The following ATP8B4 variants were observed in gnomAD, a reference collection of about 807,000 sequenced individuals.
ATP8B4 encodes the protein ATPase phospholipid transporting 8B4 (putative), also known as probable phospholipid-transporting ATPase IM.
A neutral mutation model predicts 145.6 loss-of-function variants in ATP8B4; 133 were observed. The observed-to-expected ratio is 0.91, with a 90% CI of 0.79 to 1.05. ATP8B4 has a LOEUF of 1.05. Ranked by LOEUF, ATP8B4 falls within the 50% of genes least tolerant of loss-of-function variation. The probability of loss-of-function intolerance (pLI) is 0.00; values close to 1 mark genes in which losing one functional copy is unlikely to be tolerated. For missense variants in ATP8B4, 1,458 were observed against 1,425.2 expected (o/e 1.02, Z -0.37); for synonymous variants, 507 against 492.9 (o/e 1.03, Z -0.38).
intron 6 of ATP8B4, among the ~76,000 whole-genome samples, chr15:50,024,718 G>A (rs1260126159): frequency 4.6e-5 from 7 of 152,202 alleles, no homozygotes; most frequent in African/African-American, 1.7e-4. Flanking sequence ...CAACCTGGGG[G>A]CAGCTGCGAA....
In ATP8B4 at chr15:49,918,966, G is replaced by C. The variant is rs527733654; in HGVS notation, c.1924-16C>G. 6.3e-7 allele frequency: 1 copy of C among 1,575,228 alleles called. No individual in the cohort carries two copies. Among genetic ancestry groups the C allele is most frequent in the East Asian group, 2.2e-5 (1 of 44,606 alleles). On this transcript the variant is annotated splice_polypyrimidine_tract_variant and intron_variant, in intron 18 of 27. Transcript: ENST00000284509. ...CACCTAGTAGCTTTATTGAAAAAGA[G>C]AGAAAAGTTTATGTTAATGCATGCA...
In ATP8B4 at chr15:50,179,509, T is replaced by C. The variant is rs77995597; in HGVS notation, c.-43+2752A>G. Among the ~76,000 whole-genome samples the C allele has an allele frequency of 1.2e-4, 19 of 152,292 alleles. No individual in the cohort carries two copies. The East Asian group carries it at 3.5e-3, about 28-fold the overall frequency. ...TAAAGATAATTGAGCAGTGGAGATA[T>C]AAGATGGCAGCAATATTTCCAGGAA... On this transcript the variant is annotated intron_variant, in intron 1 of 3. Coordinates refer to the ATP8B4 transcript ENST00000558829.
At chr15:50,151,284 T>C (rs887946937) in intron 1 of ATP8B4, among the ~76,000 whole-genome samples, 2 of 152,176 alleles carry the variant, frequency 1.3e-5, no homozygotes, top group African/African-American at 4.8e-5. Context: ...GAAACATAAC[T>C]TTTTCTATAC....
At chr15:50,096,235 A>G (rs972631000) in intron 2 of ATP8B4, among the ~76,000 whole-genome samples, 4 of 152,286 alleles carry the variant, frequency 2.6e-5, no homozygotes, top group Admixed American at 2.0e-4. Context: ...CAAGAAAAAA[A>G]GAGTTTTTGT....
intron 6 of ATP8B4, among the ~76,000 whole-genome samples, chr15:50,033,676 T>C (rs749914253): frequency 6.6e-6 from 1 of 152,212 alleles, no homozygotes; most frequent in Non-Finnish European, 1.5e-5. Context: ...GTGGGCATAG[T>C]ACTCAATAGG....
chr15:50,155,323 T>C (rs2044396761), intron 1 of ATP8B4, among the ~76,000 whole-genome samples: 1 of 152,134 alleles, frequency 6.6e-6, no homozygotes, highest in African/African-American at 2.4e-5. Context: ...TATATGTTTA[T>C]AAAGATTCTA....
At chr15:50,016,195 C>T (rs2049076528) in intron 6 of ATP8B4, among the ~76,000 whole-genome samples, 1 of 152,198 alleles carries the variant, frequency 6.6e-6, no homozygotes, top group South Asian at 2.1e-4. Context: ...AATGTATTCT[C>T]TTTCATCATT....
chr15:50,138,321 GATAGGTAGA>G (rs1567402914), intron 1 of ATP8B4, among the ~76,000 whole-genome samples: 5 of 117,144 alleles, frequency 4.3e-5, no homozygotes, highest in African/African-American at 1.5e-4. Context: ...TAGATAGATA[GATAGGTAGA>G]TAGATAGATA....
chr15:49,925,881 A>C (rs902658959), intron 16 of ATP8B4, among the ~76,000 whole-genome samples: 25 of 152,188 alleles, frequency 1.6e-4, no homozygotes, highest in African/African-American at 5.8e-4. Context: ...TCATTTCAGA[A>C]GTTAGTATTT....
intron 9 of ATP8B4, among the ~76,000 whole-genome samples, chr15:49,994,504 C>T (rs1191273345): frequency 1.3e-5 from 2 of 152,064 alleles, no homozygotes; most frequent in African/African-American, 4.8e-5. Context: ...TGGCGTACAT[C>T]AGTGAATAAA....
intron 21 of ATP8B4, among the ~76,000 whole-genome samples, chr15:49,900,067 G>A (rs1393541292): frequency 1.3e-5 from 2 of 152,114 alleles, no homozygotes; most frequent in Non-Finnish European, 2.9e-5. Flanking sequence ...CAGCTTGGGG[G>A]CCACCAGCTT....
chr15:50,148,956 A>G (rs1595648097), intron 1 of ATP8B4, among the ~76,000 whole-genome samples: 1 of 152,230 alleles, frequency 6.6e-6, no homozygotes, highest in East Asian at 1.9e-4. Context: ...GTTCAACATC[A>G]TTTCATCCAT....
chr15:50,044,633 C>A lies in ATP8B4; in HGVS notation c.261G>T (p.Val87=), dbSNP rs754882370. 2.1e-5 allele frequency: 34 copies of A among 1,613,168 alleles called. No individual in the cohort carries two copies. The highest frequency in any genetic ancestry group is 2.9e-5 in the Non-Finnish European group (34 of 1,179,496). Residue 87 remains valine (V), a synonymous_variant, in exon 5 of 28, where the codon GTG becomes GTT. Coordinates refer to ENST00000284509, the MANE Select transcript of ATP8B4 (RefSeq NM_024837.4). ...WFTTIVPLVL[V]ITMTAVKDAT... ...CATCTTTGACAGCTGTCATAGTTATCACCAGGACCAAAGGCACAATGGTGG... is the reference window on the plus strand; with the variant it reads ...CATCTTTGACAGCTGTCATAGTTATAACCAGGACCAAAGGCACAATGGTGG...
intron 2 of ATP8B4, among the ~76,000 whole-genome samples, chr15:50,094,099 G>A (rs2055794804): frequency 6.6e-6 from 1 of 152,136 alleles, no homozygotes. Flanking sequence ...GCTACAGGGT[G>A]CTCAGATATT....
chr15:50,104,429 T>C (rs1009403133), intron 2 of ATP8B4, among the ~76,000 whole-genome samples: 11 of 151,982 alleles, frequency 7.2e-5, no homozygotes, highest in African/African-American at 2.7e-4. Flanking sequence ...AGGACATGAA[T>C]AGACAATTCT....
intron 5 of ATP8B4, among the ~76,000 whole-genome samples, chr15:50,042,495 T>G (rs1374254337): frequency 6.6e-6 from 1 of 152,184 alleles, no homozygotes; most frequent in African/African-American, 2.4e-5. Context: ...CCTAATTCTC[T>G]TTCACACATC....
At chr15:50,117,203 C>A (rs35030867) in intron 1 of ATP8B4, among the ~76,000 whole-genome samples, 31,941 of 152,038 alleles carry the variant, frequency 0.21, 3,907 homozygotes, top group Middle Eastern at 0.31. Context: ...GAGCCCACCA[C>A]CATGCCTGGT....
intron 3 of ATP8B4, among the ~76,000 whole-genome samples, chr15:50,069,729 G>C (rs2053605653): frequency 6.6e-6 from 1 of 152,096 alleles, no homozygotes; most frequent in South Asian, 2.1e-4. Context: ...TGTTTTCCAA[G>C]AATGCTCAAA....
Position 49,920,284 on chromosome 15 carries a change from T to C in ATP8B4, c.1885A>G (p.Ile629Val), listed in dbSNP as rs745981921. The change falls in exon 18 of 28, where the codon ATA becomes GTA. Residue 629 changes from isoleucine (I) to valine (V), a missense_variant. Coordinates refer to ENST00000284509, the MANE Select transcript of ATP8B4 (RefSeq NM_024837.4). ...TCAATTTCTTCATATAGCCCAGCTA[T>C]TCGTTCATCCCTCTCTTCTGTGGCA... is the stretch of plus-strand genomic sequence containing the variant. Reference protein sequence around the residue: ...NAATEERDERIAGLYEEIERD... With the variant: ...NAATEERDERVAGLYEEIERD... 1 of 1,614,224 alleles carries C rather than the reference T, an allele frequency of 6.2e-7. No homozygotes were observed. Among genetic ancestry groups the C allele is most frequent in the East Asian group, 2.2e-5 (1 of 44,888 alleles).
Sources: gnomAD v4.1 joint callset for allele counts (sites outside exome capture counted in the v4.1 genomes callset) on GRCh38, gnomAD v4.1.1 for gene constraint, MANE v1.5 for transcripts, NCBI Gene and HGNC (gene_info 2026-07-23, HGNC 2026-07-21) for gene names.